Variants in ZNF33B observed in about 807,000 individuals in gnomAD.
ZNF33B encodes zinc finger protein 11b (KOX 2).
In ZNF33B, 29 loss-of-function variants were observed where a neutral mutation model predicts 45.8. That is an observed-to-expected ratio of 0.63 (90% CI 0.47 to 0.86). The LOEUF (loss-of-function observed/expected upper bound fraction) is 0.86, where lower values mean the gene tolerates loss of function less well. Ranked by LOEUF, ZNF33B falls within the 40% of genes least tolerant of loss-of-function variation. The pLI is 0.00. For synonymous variants in ZNF33B, 305 were observed against 307.8 expected (o/e 0.99, Z 0.10); for missense variants, 831 against 909.9 (o/e 0.91, Z 1.12).
At chr10:42,582,966 T>C (rs1382146444) in intron 1 of ZNF33B, 4 of 623,376 alleles carry the variant, frequency 6.4e-6, no homozygotes, top group Non-Finnish European at 1.2e-5. Flanking sequence ...GTGTTGGAGA[T>C]GTGACCACCA....
Position 42,590,184 on chromosome 10 carries a change from T to C in ZNF33B, c.*2429A>G, listed in dbSNP as rs1356265073. Reference sequence around the variant, plus strand: ...TGTGTTCACTGGAAATATTGATCTGTAGTTTTCCTTTCTTGTAATGTTTTT... The same window carrying C: ...TGTGTTCACTGGAAATATTGATCTGCAGTTTTCCTTTCTTGTAATGTTTTT... On this transcript the variant is annotated 3_prime_UTR_variant, in exon 5 of 5. Coordinates refer to ENST00000359467, the MANE Select transcript of ZNF33B (RefSeq NM_006955.3). 1 of 146,434 alleles carries C rather than the reference T, an allele frequency of 6.8e-6. No homozygotes were observed. Among genetic ancestry groups the C allele is most frequent in the Admixed American group, 6.8e-5 (1 of 14,690 alleles). 9.1% of individuals were successfully genotyped at this position (146,434 alleles called of 1,614,324 possible).
At chr10:42,609,696 T>C (rs1316989651) in intron 4 of ZNF33B, among the ~76,000 whole-genome samples, 1 of 152,156 alleles carries the variant, frequency 6.6e-6, no homozygotes, top group Non-Finnish European at 1.5e-5. Context: ...TCTAGTAGTA[T>C]ATAAAAAGGA....
intron 4 of ZNF33B, among the ~76,000 whole-genome samples, chr10:42,605,677 G>A (rs939372649): frequency 3.3e-5 from 5 of 152,114 alleles, no homozygotes; most frequent in African/African-American, 1.2e-4. Flanking sequence ...GCAATGATAC[G>A]AGAGAGTAAA....
intron 4 of ZNF33B, among the ~76,000 whole-genome samples, chr10:42,607,590 C>T (rs115577849): frequency 0.017 from 2,550 of 152,106 alleles, 76 homozygotes; most frequent in African/African-American, 0.058. Context: ...AATAGAGTAT[C>T]AAAAAAGCAC....
At chr10:42,595,708 A>G (rs1230271153) in intron 4 of ZNF33B, among the ~76,000 whole-genome samples, 1 of 152,160 alleles carries the variant, frequency 6.6e-6, no homozygotes, top group Non-Finnish European at 1.5e-5. Context: ...CCCCCTGCCC[A>G]CCACACCCGA....
chr10:42,598,046 G>A (rs1837471883), intron 4 of ZNF33B, among the ~76,000 whole-genome samples: 1 of 152,150 alleles, frequency 6.6e-6, no homozygotes, highest in Non-Finnish European at 1.5e-5. Context: ...AATTTTAAAT[G>A]AAAATAATGT....
intron 1 of ZNF33B, among the ~76,000 whole-genome samples, chr10:42,579,199 T>A (rs1285181208): frequency 6.6e-6 from 1 of 152,190 alleles, no homozygotes; most frequent in Non-Finnish European, 1.5e-5. Flanking sequence ...TTGACAATTT[T>A]AAAAACAATT....
At chr10:42,627,384 C>T (rs1048938529) in intron 4 of ZNF33B, among the ~76,000 whole-genome samples, 21 of 152,088 alleles carry the variant, frequency 1.4e-4, no homozygotes, top group African/African-American at 5.1e-4. Flanking sequence ...AGTGATATTC[C>T]CTGTTTCATT....
intron 4 of ZNF33B, chr10:42,605,153 T>C (rs1831757847): frequency 6.6e-6 from 1 of 151,234 alleles, no homozygotes; most frequent in Non-Finnish European, 1.5e-5. Flanking sequence ...TTCAAACGAA[T>C]GGCTATGCTC....
intron 1 of ZNF33B, among the ~76,000 whole-genome samples, chr10:42,575,736 A>ATATATATACATATATTT (rs1554819615): frequency 7.0e-6 from 1 of 143,478 alleles, no homozygotes; most frequent in East Asian, 2.0e-4. Context: ...ATACATATAT[A>ATATATATACATATATTT]TTTTTTTTTT....
chr10:42,608,798 A>C (rs1316837880), intron 4 of ZNF33B, among the ~76,000 whole-genome samples: 8 of 152,142 alleles, frequency 5.3e-5, no homozygotes, highest in Non-Finnish European at 1.5e-5. Flanking sequence ...TAGAGTAAAA[A>C]TTAGTGAACT....
intron 4 of ZNF33B, among the ~76,000 whole-genome samples, chr10:42,629,584 T>C (rs1270930631): frequency 6.6e-6 from 1 of 152,194 alleles, no homozygotes; most frequent in Non-Finnish European, 1.5e-5. Context: ...ACCTACTATG[T>C]ACTCACAAAA....
At position 42,591,661 on chromosome 10, in the gene ZNF33B, G is replaced by T; in HGVS notation, c.*952C>A. 1 of 326,850 alleles carries T rather than the reference G, an allele frequency of 3.1e-6. No homozygotes were observed. Among genetic ancestry groups the T allele is most frequent in the Non-Finnish European group, 4.4e-6 (1 of 227,840 alleles). The allele number at this position is 326,850 out of a possible 1,614,324, so 20.2% of individuals were successfully genotyped here. On this transcript the variant is annotated 3_prime_UTR_variant, in exon 5 of 5. Coordinates refer to ENST00000359467, the MANE Select transcript of ZNF33B (RefSeq NM_006955.3). Reference sequence around the variant, plus strand: ...CCACTTGTACATATGTAAGTCCTATGAACTTCAGGGATAATTCACAGATGT... The same window carrying T: ...CCACTTGTACATATGTAAGTCCTATTAACTTCAGGGATAATTCACAGATGT...
At chr10:42,620,102 G>A (rs1420471202) in intron 4 of ZNF33B, among the ~76,000 whole-genome samples, 2 of 151,760 alleles carry the variant, frequency 1.3e-5, no homozygotes, top group African/African-American at 4.8e-5. Flanking sequence ...TGTAGTCCCA[G>A]CTACTTGGGA....
intron 4 of ZNF33B, among the ~76,000 whole-genome samples, chr10:42,619,552 G>C (rs917904169): frequency 1.3e-5 from 2 of 152,136 alleles, no homozygotes; most frequent in African/African-American, 4.8e-5. Flanking sequence ...AAAAAATAAA[G>C]ACTTCCAATA....
intron 4 of ZNF33B, among the ~76,000 whole-genome samples, chr10:42,629,846 T>G (rs937449659): frequency 7.2e-5 from 11 of 152,222 alleles, no homozygotes; most frequent in African/African-American, 2.7e-4. Flanking sequence ...TTCTCAGTAG[T>G]TGTTCTAGGT....
rs768059510 is a variant in ZNF33B at position 42,594,387 on chromosome 10, C to A, written c.563G>T (p.Arg188Leu). 4 of 1,613,832 alleles carry A rather than the reference C, an allele frequency of 2.5e-6. No individual in the cohort carries two copies. The highest frequency in any genetic ancestry group is 2.2e-5 in the South Asian group (2 of 91,040). ...LNIKHDETHT[R>L]EKNEVLKNRN... ...ATTTTTCAAAACTTCATTTTTCTCT[C>A]GAGTATGAGTTTCATCATGCTTAAT... Residue 188 changes from arginine (R) to leucine (L), a missense_variant, in exon 5 of 5, where the codon CGA (arginine) becomes CTA (leucine). Arg to Leu is a moderately radical substitution (Grantham distance 102). Coordinates refer to ENST00000359467, the MANE Select transcript of ZNF33B (RefSeq NM_006955.3).
In ZNF33B at chr10:42,634,554, A is replaced by AC. The variant is rs529587745; in HGVS notation, c.10-2116dup. On this transcript the variant is annotated intron_variant, in intron 2 of 4. Transcript: ENST00000359467. ...ATTTGCTGAAGAAAAAATGTGTTAA[A>AC]CCCACTACTAGACACTAAGATGTTT... is the stretch of plus-strand genomic sequence containing the variant. Among the ~76,000 whole-genome samples, 492 of 152,282 alleles carry AC rather than the reference A, an allele frequency of 3.2e-3. 1 individual carries two copies. Among genetic ancestry groups the AC allele is most frequent in the Middle Eastern group, 0.027 (8 of 294 alleles).
At chr10:42,630,143 T>C (rs1227664074) in intron 4 of ZNF33B, among the ~76,000 whole-genome samples, 1 of 152,240 alleles carries the variant, frequency 6.6e-6, no homozygotes, top group Non-Finnish European at 1.5e-5. Flanking sequence ...AGAGAACTTT[T>C]AGTCAATTTT....
Sources: gnomAD v4.1 joint callset for allele counts (sites outside exome capture counted in the v4.1 genomes callset) on GRCh38, gnomAD v4.1.1 for gene constraint, MANE v1.5 for transcripts, NCBI Gene and HGNC (gene_info 2026-07-23, HGNC 2026-07-21) for gene names.